GPR39: variants seen among roughly 807,000 people sequenced by gnomAD.
GPR39 encodes the protein G protein-coupled receptor 39, also known as zinc sensing receptor.
A neutral mutation model predicts 18.4 loss-of-function variants in GPR39; 23 were observed. The ratio of observed to expected loss-of-function variants is 1.25; its 90% CI spans 0.90 to 1.77. The LOEUF (loss-of-function observed/expected upper bound fraction) is 1.77. Ranked by LOEUF, GPR39 falls within the 40% of genes most tolerant of loss-of-function variation. The pLI is 0.00. For synonymous variants in GPR39, 280 were observed against 257.9 expected (o/e 1.09, Z -0.82); for missense variants, 647 against 602.4 (o/e 1.07, Z -0.78).
At chr2:132,444,684 T>C (rs946677549) in intron 1 of GPR39, among the ~76,000 whole-genome samples, 1 of 152,236 alleles carries the variant, frequency 6.6e-6, no homozygotes, top group Non-Finnish European at 1.5e-5. Context: ...AAAAACTTGA[T>C]GCTAATGGCC....
At chr2:132,584,731 G>A (rs1393422765) in intron 1 of GPR39, among the ~76,000 whole-genome samples, 2 of 152,216 alleles carry the variant, frequency 1.3e-5, no homozygotes, top group African/African-American at 4.8e-5. Flanking sequence ...AAAGCAGGCA[G>A]GATCGGATGC....
intron 1 of GPR39, among the ~76,000 whole-genome samples, chr2:132,448,207 C>T (rs1217860586): frequency 6.6e-6 from 1 of 152,082 alleles, no homozygotes; most frequent in Non-Finnish European, 1.5e-5. Context: ...GTCAAATTAT[C>T]TGCCTGGACA....
intron 1 of GPR39, among the ~76,000 whole-genome samples, chr2:132,592,791 T>C (rs1178570815): frequency 6.6e-6 from 1 of 152,110 alleles, no homozygotes; most frequent in Non-Finnish European, 1.5e-5. Flanking sequence ...TTTCTTGGAT[T>C]GATTGGATGC....
At chr2:132,422,300 G>C (rs935124817) in intron 1 of GPR39, among the ~76,000 whole-genome samples, 3 of 152,146 alleles carry the variant, frequency 2.0e-5, no homozygotes, top group Non-Finnish European at 4.4e-5. Context: ...CGTGGCATTT[G>C]AATCATCTGT....
chr2:132,461,856 A>G (rs189736884), intron 1 of GPR39, among the ~76,000 whole-genome samples: 157 of 152,260 alleles, frequency 1.0e-3, no homozygotes, highest in African/African-American at 3.5e-3. Context: ...AGGGATTTGG[A>G]ATACTCAGAA....
At chr2:132,439,653 G>A (rs1191768371) in intron 1 of GPR39, among the ~76,000 whole-genome samples, 2 of 152,204 alleles carry the variant, frequency 1.3e-5, no homozygotes, top group Non-Finnish European at 1.5e-5. Flanking sequence ...TTCTGTGGAG[G>A]CTTATTGCTG....
intron 1 of GPR39, among the ~76,000 whole-genome samples, chr2:132,644,416 C>T (rs1192493593): frequency 6.6e-6 from 1 of 152,190 alleles, no homozygotes; most frequent in Non-Finnish European, 1.5e-5. Context: ...CTGAATAATT[C>T]TTTTTCCCCA....
intron 1 of GPR39, among the ~76,000 whole-genome samples, chr2:132,532,322 C>T (rs947339675): frequency 7.9e-5 from 12 of 152,100 alleles, no homozygotes; most frequent in African/African-American, 4.8e-5. Flanking sequence ...GATAGACCAA[C>T]AACAGGCTCT....
At chr2:132,419,805 C>G (rs1319844356) in intron 1 of GPR39, among the ~76,000 whole-genome samples, 2 of 152,102 alleles carry the variant, frequency 1.3e-5, no homozygotes, top group Non-Finnish European at 2.9e-5. Context: ...TAAGCATTAG[C>G]AAGTGGTCTT....
At chr2:132,638,997 G>T (rs75496407) in intron 1 of GPR39, among the ~76,000 whole-genome samples, 3,228 of 152,210 alleles carry the variant, frequency 0.021, 48 homozygotes, top group Non-Finnish European at 0.032. Context: ...TGCTGGTGCT[G>T]CCCTTTTCCA....
rs939089575 is a variant in GPR39 at position 132,416,968 on chromosome 2, G to T, written c.-75G>T. On this transcript the variant is annotated 5_prime_UTR_variant, in exon 1 of 2. Coordinates refer to ENST00000329321, the MANE Select transcript of GPR39 (RefSeq NM_001508.3). Reference sequence around the variant, plus strand: ...CCCACGCAGGTGAGTTTGCAGCCAAGAATTTTGGACGCTGCTGGGAGGAGA... The same window carrying T: ...CCCACGCAGGTGAGTTTGCAGCCAATAATTTTGGACGCTGCTGGGAGGAGA... 2.7e-5 allele frequency: 42 copies of T among 1,544,324 alleles called. No homozygotes were observed. The highest frequency in any genetic ancestry group is 3.6e-5 in the Non-Finnish European group (41 of 1,144,434).
At chr2:132,548,782 C>G (rs1679990373) in intron 1 of GPR39, among the ~76,000 whole-genome samples, 1 of 152,218 alleles carries the variant, frequency 6.6e-6, no homozygotes, top group Admixed American at 6.5e-5. Context: ...AACATAAGTC[C>G]CCAAGAAATG....
chr2:132,549,314 T>C (rs569241538), intron 1 of GPR39, among the ~76,000 whole-genome samples: 1 of 152,306 alleles, frequency 6.6e-6, no homozygotes, highest in East Asian at 1.9e-4. Context: ...ATGGTAGGCA[T>C]TCGAGGGAGG....
rs762053830 is a variant in GPR39 at position 132,417,294 on chromosome 2, C to A, written c.252C>A (p.Leu84=). Residue 84 remains leucine, a synonymous_variant, in exon 1 of 2, where the codon CTC becomes CTA. Transcript: ENST00000329321. ...SLACSDILVF[L]IGMPMEFYSI... ...CTTGCTCGGACATCTTGGTGTTCCT[C>A]ATCGGCATGCCCATGGAGTTCTACA... is the stretch of plus-strand genomic sequence containing the variant. The A allele has an allele frequency of 1.2e-6, 2 of 1,614,202 alleles. No homozygotes were observed. The highest frequency in any genetic ancestry group is 3.3e-5 in the Admixed American group (2 of 60,030).
In GPR39 at chr2:132,535,695, C is replaced by CTTTTTTTTTTTTTTTTTTT. The variant is rs753801511; in HGVS notation, c.857-109395_857-109394insTTTTTTTTTTTTTTTTTTT. On this transcript the variant is annotated intron_variant, in intron 1 of 1. Transcript: ENST00000329321. ...GGCTGTGAATCCATCTGGTCCTGGGCTTTTTTTTTTTGGTTGGTAGGCTAT... is the reference window on the plus strand; with the variant it reads ...GGCTGTGAATCCATCTGGTCCTGGGCTTTTTTTTTTTTTTTTTTTTTTTTTTTTTTGGTTGGTAGGCTAT... Among the ~76,000 whole-genome samples, 192 of 96,374 alleles carry CTTTTTTTTTTTTTTTTTTT rather than the reference C, an allele frequency of 2.0e-3. 23 individuals are homozygous for CTTTTTTTTTTTTTTTTTTT. Among genetic ancestry groups the CTTTTTTTTTTTTTTTTTTT allele is most frequent in the African/African-American group, 6.1e-3 (153 of 25,246 alleles). The allele number at this position is 96,374 out of a possible 152,430, so 63.2% of individuals were successfully genotyped here.
chr2:132,583,966 C>T (rs983706735), intron 1 of GPR39, among the ~76,000 whole-genome samples: 4 of 152,018 alleles, frequency 2.6e-5, no homozygotes, highest in Admixed American at 6.6e-5. Context: ...CTGCTGCTTT[C>T]TAACGACTTC....
chr2:132,591,839 T>G (rs1470776687), intron 1 of GPR39, among the ~76,000 whole-genome samples: 1 of 152,172 alleles, frequency 6.6e-6, no homozygotes, highest in East Asian at 1.9e-4. Flanking sequence ...ATGTACAAGC[T>G]TTCGTGTGAA....
intron 1 of GPR39, among the ~76,000 whole-genome samples, chr2:132,529,139 A>T (rs1046293718): frequency 6.6e-6 from 1 of 152,184 alleles, no homozygotes; most frequent in Non-Finnish European, 1.5e-5. Context: ...GCACCTGGAA[A>T]ATCGAGTCAC....
chr2:132,619,355 C>T (rs943947620), intron 1 of GPR39, among the ~76,000 whole-genome samples: 1 of 152,100 alleles, frequency 6.6e-6, no homozygotes, highest in Non-Finnish European at 1.5e-5. Context: ...CTCCATATGT[C>T]CTGGCTGGTT....
Sources: gnomAD v4.1 joint callset for allele counts (sites outside exome capture counted in the v4.1 genomes callset) on GRCh38, gnomAD v4.1.1 for gene constraint, MANE v1.5 for transcripts, NCBI Gene and HGNC (gene_info 2026-07-23, HGNC 2026-07-21) for gene names.